MYO3B: variants seen among roughly 807,000 people sequenced by gnomAD.
MYO3B encodes myosin-IIIb.
Under a neutral mutation model 174.6 loss-of-function variants are expected in MYO3B, and 156 were observed. That is an observed-to-expected ratio of 0.89 (90% CI 0.78 to 1.02). MYO3B has a LOEUF of 1.02. MYO3B is among the 50% of genes least tolerant of loss of function. MYO3B has a pLI of 0.00. For missense variants in MYO3B, 1,632 were observed against 1,639.4 expected (o/e 1.00, Z 0.08); for synonymous variants, 563 against 569.1 (o/e 0.99, Z 0.15).
At chr2:170,564,729 T>G (rs1691955134) in intron 32 of MYO3B, among the ~76,000 whole-genome samples, 1 of 152,106 alleles carries the variant, frequency 6.6e-6, no homozygotes, top group Admixed American at 6.5e-5. Flanking sequence ...TTTTTTTAAG[T>G]TCAGAAAAAG....
chr2:170,459,691 CGAG>C (rs1211291533), intron 23 of MYO3B, among the ~76,000 whole-genome samples: 1 of 151,996 alleles, frequency 6.6e-6, no homozygotes, highest in African/African-American at 2.4e-5. Flanking sequence ...TGGTGCCCGT[CGAG>C]GAGGCTCAAG....
intron 34 of MYO3B, 143 bp from the exon 35 acceptor site, chr2:170,652,840 T>G: frequency 4.9e-6 from 4 of 820,592 alleles, no homozygotes; most frequent in Non-Finnish European, 7.7e-6. Context: ...TGGGAGACCC[T>G]GAGCTACCTA....
chr2:170,398,784 CAT>C (rs1256407723), intron 16 of MYO3B, among the ~76,000 whole-genome samples: 6 of 152,308 alleles, frequency 3.9e-5, no homozygotes, highest in Admixed American at 2.0e-4. Flanking sequence ...ACCCCCAATT[CAT>C]ATACCAAAAT....
Position 170,325,781 on chromosome 2 carries a change from C to T in MYO3B, c.750-9604C>T, listed in dbSNP as rs143635603. Reference sequence around the variant, plus strand: ...GGTACCTGTGGTGGTCCAGCCCAGTCCCAAGACTGGCCAGATAAGTCTATC... The same window carrying T: ...GGTACCTGTGGTGGTCCAGCCCAGTTCCAAGACTGGCCAGATAAGTCTATC... On this transcript the variant is annotated intron_variant, in intron 7 of 34. Coordinates refer to ENST00000408978, the MANE Select transcript of MYO3B (RefSeq NM_138995.5). Among the ~76,000 whole-genome samples, 884 of 152,244 alleles carry T rather than the reference C, an allele frequency of 5.8e-3. 5 individuals carry two copies. Among genetic ancestry groups the T allele is most frequent in the Non-Finnish European group, 0.01 (683 of 68,014 alleles).
At chr2:170,648,188 G>A (rs1030935304) in intron 32 of MYO3B, 2 of 152,220 alleles carry the variant, frequency 1.3e-5, no homozygotes, top group Non-Finnish European at 2.9e-5. Flanking sequence ...AGAAAGAACC[G>A]CTGTGTTCTT....
intron 32 of MYO3B, among the ~76,000 whole-genome samples, chr2:170,645,352 A>G (rs924765886): frequency 2.0e-5 from 3 of 151,792 alleles, no homozygotes; most frequent in African/African-American, 4.8e-5. Flanking sequence ...GGTGCCTGTA[A>G]TCCCAGCTAC....
intron 28 of MYO3B, among the ~76,000 whole-genome samples, chr2:170,507,101 C>A (rs1357014151): frequency 6.6e-6 from 1 of 152,192 alleles, no homozygotes; most frequent in Non-Finnish European, 1.5e-5. Context: ...TCTTCTTGGC[C>A]GTAGGGCAGG....
chr2:170,536,547 C>A (rs1408399219), intron 30 of MYO3B, among the ~76,000 whole-genome samples: 2 of 152,154 alleles, frequency 1.3e-5, no homozygotes, highest in Non-Finnish European at 2.9e-5. Flanking sequence ...TATTTTCCTG[C>A]AATAATGGTG....
chr2:170,304,121 G>T (rs1315988024), intron 7 of MYO3B, among the ~76,000 whole-genome samples: 1 of 152,070 alleles, frequency 6.6e-6, no homozygotes, highest in Non-Finnish European at 1.5e-5. Context: ...TATGTATTTG[G>T]TGTGAGAAAT....
At chr2:170,233,607 A>C (rs1294691138) in intron 6 of MYO3B, among the ~76,000 whole-genome samples, 1 of 152,200 alleles carries the variant, frequency 6.6e-6, no homozygotes, top group Admixed American at 6.5e-5. Context: ...GTACATTTGA[A>C]AATAACGTGT....
At chr2:170,515,101 A>G (rs1280131569) in intron 29 of MYO3B, 79 bp downstream of exon 29, 8 of 1,194,566 alleles carry the variant, frequency 6.7e-6, no homozygotes, top group Non-Finnish European at 9.6e-6. Context: ...GGAAGTGATC[A>G]CCTCTTATAT....
Position 170,653,083 on chromosome 2 carries a change from T to A in MYO3B, c.3988T>A (p.Ser1330Thr), listed in dbSNP as rs201654883. ...ENNSAHPSFF[S>T]SSSKGDSFAQ... is the part of the protein sequence containing the mutation. ...CAACTCAGCCCACCCTTCCTTTTTT[T>A]CTTCATCCTCAAAAGGAGACTCTTT... The change falls in exon 35 of 35, where the codon TCT becomes ACT. Residue 1330 changes from serine (S) to threonine (T), a missense_variant. By Grantham distance (58) the Ser-to-Thr change is moderately conservative. Coordinates refer to ENST00000408978, the MANE Select transcript of MYO3B (RefSeq NM_138995.5). The A allele has an allele frequency of 4.1e-3, 6,549 of 1,614,192 alleles. 24 individuals carry two copies. Among genetic ancestry groups the A allele is most frequent in the Non-Finnish European group, 5.3e-3 (6,310 of 1,180,028 alleles).
intron 32 of MYO3B, among the ~76,000 whole-genome samples, chr2:170,594,580 G>A (rs944047710): frequency 1.3e-5 from 2 of 152,142 alleles, no homozygotes; most frequent in Non-Finnish European, 1.5e-5. Context: ...GGTTTCAAGG[G>A]AGAGAGGAAC....
At chr2:170,628,661 G>A (rs942464398) in intron 32 of MYO3B, among the ~76,000 whole-genome samples, 1 of 152,060 alleles carries the variant, frequency 6.6e-6, no homozygotes, top group South Asian at 2.1e-4. Context: ...GTGCCTATTC[G>A]GCCATCTTGG....
intron 29 of MYO3B, among the ~76,000 whole-genome samples, chr2:170,516,468 C>T (rs575088568): frequency 6.6e-6 from 1 of 151,930 alleles, no homozygotes; most frequent in Non-Finnish European, 1.5e-5. Flanking sequence ...ACAATGAAAC[C>T]CCATCTCTAC....
rs567560137 is a variant in MYO3B at position 170,455,655 on chromosome 2, T to G, written c.2731-7713T>G. 3.3e-5 allele frequency among the ~76,000 whole-genome samples: 5 copies of G among 152,326 alleles called. No homozygotes were observed. In the East Asian group the frequency reaches 9.6e-4, roughly 29 times the overall value. On this transcript the variant is annotated intron_variant, in intron 23 of 34. Coordinates refer to ENST00000408978, the MANE Select transcript of MYO3B (RefSeq NM_138995.5). Reference sequence around the variant, plus strand: ...CTCAATAGATACTGTATTACTCAAGTTTTGATAACTATTTAAAATTCCATG... The same window carrying G: ...CTCAATAGATACTGTATTACTCAAGGTTTGATAACTATTTAAAATTCCATG...
chr2:170,572,694 G>C (rs1423721001), intron 32 of MYO3B, among the ~76,000 whole-genome samples: 1 of 151,514 alleles, frequency 6.6e-6, no homozygotes, highest in Non-Finnish European at 1.5e-5. Flanking sequence ...AGCACCTTTT[G>C]ATGTGATGCA....
chr2:170,578,374 C>CT (rs1327912847), intron 32 of MYO3B, among the ~76,000 whole-genome samples: 2 of 152,220 alleles, frequency 1.3e-5, no homozygotes, highest in African/African-American at 4.8e-5. Flanking sequence ...ATGGCCTGGA[C>CT]TTTTAAAACA....
At chr2:170,298,143 A>T (rs547559718) in intron 7 of MYO3B, among the ~76,000 whole-genome samples, 1 of 152,152 alleles carries the variant, frequency 6.6e-6, no homozygotes, top group African/African-American at 2.4e-5. Flanking sequence ...TCTCAAGGTA[A>T]TTTTTTTAAA....
Sources: allele counts gnomAD v4.1 joint callset (sites outside exome capture counted in the v4.1 genomes callset), GRCh38; gene constraint gnomAD v4.1.1; transcripts MANE v1.5; gene names NCBI Gene and HGNC (gene_info 2026-07-23, HGNC 2026-07-21).